LMTK2: variants seen among roughly 807,000 people sequenced by gnomAD.
The protein encoded by LMTK2 is serine/threonine-protein kinase LMTK2.
A neutral mutation model predicts 127.5 loss-of-function variants in LMTK2; 37 were observed. That is an observed-to-expected ratio of 0.29 (90% confidence interval 0.22 to 0.38). LMTK2 has a LOEUF of 0.38. Among genes scored for constraint, LMTK2 ranks in the 10% least tolerant of loss-of-function variants. The pLI is 1.00. For synonymous variants in LMTK2, 819 were observed against 810.1 expected (o/e 1.01, Z -0.19); for missense variants, 1,694 against 1,920.3 (o/e 0.88, Z 2.20).
Position 98,141,515 on chromosome 7 carries a change from C to T in LMTK2, c.350C>T (p.Ala117Val). Residue 117 changes from alanine (A) to valine (V), a missense_variant, in exon 3 of 14, where the codon GCT becomes GTT. Physicochemically the swap from Ala to Val is moderately conservative, Grantham distance 64. Transcript: ENST00000297293. ...TCAGTACCAAATATTTCACTCCCAGCTCCCTCGCAATTCCAGCCTTCTGTA... is the reference window on the plus strand; with the variant it reads ...TCAGTACCAAATATTTCACTCCCAGTTCCCTCGCAATTCCAGCCTTCTGTA... ...TLSVPNISLP[A>V]PSQFQPSVEG... 1 of 1,614,114 alleles carries T rather than the reference C, an allele frequency of 6.2e-7. No individual in the cohort carries two copies. The highest frequency in any genetic ancestry group is 1.6e-4 in the Middle Eastern group (1 of 6,062).
intron 1 of LMTK2, among the ~76,000 whole-genome samples, chr7:98,129,012 A>G (rs892690968): frequency 6.6e-6 from 1 of 152,094 alleles, no homozygotes; most frequent in African/African-American, 2.4e-5. Flanking sequence ...CCCGAGTAAG[A>G]GTGTAAAATT....
At chr7:98,121,821 C>T (rs997746311) in intron 1 of LMTK2, among the ~76,000 whole-genome samples, 6 of 151,848 alleles carry the variant, frequency 4.0e-5, no homozygotes, top group Non-Finnish European at 7.4e-5. Context: ...GGCAACATGG[C>T]AAGACCTCGA....
At chr7:98,187,082 G>A in intron 9 of LMTK2, 84 bp downstream of exon 9, 2 of 1,290,184 alleles carry the variant, frequency 1.6e-6, no homozygotes, top group East Asian at 2.4e-5. Context: ...TTAAAGGAAA[G>A]TAGTTGTATA....
chr7:98,133,578 T>G (rs1333636041), intron 1 of LMTK2, among the ~76,000 whole-genome samples: 1 of 151,852 alleles, frequency 6.6e-6, no homozygotes, highest in East Asian at 1.9e-4. Flanking sequence ...TAAAAAGGGG[T>G]AACTAAAAAT....
intron 1 of LMTK2, among the ~76,000 whole-genome samples, chr7:98,112,447 G>T (rs1796215011): frequency 6.6e-6 from 1 of 152,234 alleles, no homozygotes; most frequent in Non-Finnish European, 1.5e-5. Flanking sequence ...ATAGCCACTA[G>T]CTCCCTGTGG....
At chr7:98,172,302 CTTT>C (rs397948033) in intron 7 of LMTK2, among the ~76,000 whole-genome samples, 1 of 127,842 alleles carries the variant, frequency 7.8e-6, no homozygotes, top group Non-Finnish European at 1.6e-5. Context: ...GACCATAGTT[CTTT>C]TTTTTTTTTT....
chr7:98,127,731 T>A (rs1336203723), intron 1 of LMTK2, among the ~76,000 whole-genome samples: 2 of 152,212 alleles, frequency 1.3e-5, no homozygotes, highest in Non-Finnish European at 2.9e-5. Flanking sequence ...AAAGAAATGA[T>A]CGATGCCTGA....
chr7:98,107,929 C>G (rs1237730344), intron 1 of LMTK2, among the ~76,000 whole-genome samples: 1 of 151,954 alleles, frequency 6.6e-6, no homozygotes, highest in East Asian at 1.9e-4. Flanking sequence ...GTATGATTTT[C>G]TTTTCTCCCC....
At chr7:98,130,766 C>T (rs1210586801) in intron 1 of LMTK2, among the ~76,000 whole-genome samples, 1 of 152,180 alleles carries the variant, frequency 6.6e-6, no homozygotes, top group East Asian at 1.9e-4. Flanking sequence ...CCACCACAGC[C>T]CTCAGAAGGA....
intron 1 of LMTK2, among the ~76,000 whole-genome samples, chr7:98,109,942 C>T (rs1490960597): frequency 1.3e-5 from 2 of 151,954 alleles, no homozygotes; most frequent in African/African-American, 2.4e-5. Flanking sequence ...AGAGGAATCC[C>T]GCTTGACCAT....
chr7:98,117,595 T>C (rs1796304829), intron 1 of LMTK2, among the ~76,000 whole-genome samples: 1 of 152,136 alleles, frequency 6.6e-6, no homozygotes, highest in South Asian at 2.1e-4. Flanking sequence ...GTTCATCTTG[T>C]ATATTCCCTG....
intron 3 of LMTK2, among the ~76,000 whole-genome samples, chr7:98,144,325 C>T (rs952828015): frequency 1.3e-5 from 2 of 151,340 alleles, no homozygotes; most frequent in Middle Eastern, 3.2e-3. Flanking sequence ...CCCAGCTAGT[C>T]GGGAGGCTGA....
At chr7:98,164,705 G>T (rs76794701) in intron 6 of LMTK2, among the ~76,000 whole-genome samples, 7,353 of 152,242 alleles carry the variant, frequency 0.048, 617 homozygotes, top group East Asian at 0.36. Flanking sequence ...GCTGTGCCCT[G>T]GTGGCGAGGC....
chr7:98,144,079 T>G (rs1796735034), intron 3 of LMTK2, among the ~76,000 whole-genome samples: 1 of 152,218 alleles, frequency 6.6e-6, no homozygotes, highest in Non-Finnish European at 1.5e-5. Context: ...AAAATGTATT[T>G]TATTTTTTGC....
chr7:98,113,734 T>C lies in LMTK2; in HGVS notation c.103+6454T>C, dbSNP rs115777394. 7.5e-3 allele frequency among the ~76,000 whole-genome samples: 1,140 copies of C among 152,300 alleles called. 18 individuals carry two copies. The highest frequency in any genetic ancestry group is 0.026 in the African/African-American group (1,079 of 41,564). Reference sequence around the variant, plus strand: ...GGGATTTTAGATTCCATTATCAGCTTTTCTTTGAATCTTCTTATGAAGATA... The same window carrying C: ...GGGATTTTAGATTCCATTATCAGCTCTTCTTTGAATCTTCTTATGAAGATA... On this transcript the variant is annotated intron_variant, in intron 1 of 13. Coordinates refer to ENST00000297293, the MANE Select transcript of LMTK2 (RefSeq NM_014916.4).
chr7:98,196,940 A>G (rs917634777), intron 11 of LMTK2, among the ~76,000 whole-genome samples: 1 of 152,210 alleles, frequency 6.6e-6, no homozygotes, highest in African/African-American at 2.4e-5. Context: ...GCATGCCTTG[A>G]AGCGACAGCC....
At chr7:98,159,565 C>T (rs1488533795) in intron 6 of LMTK2, 140 bp downstream of exon 6, 21 of 659,364 alleles carry the variant, frequency 3.2e-5, no homozygotes, top group Non-Finnish European at 5.4e-5. Flanking sequence ...TACTTTTATT[C>T]CCTTTGGTGA....
In LMTK2 at chr7:98,124,843, T is replaced by C. The variant is rs77021967; in HGVS notation, c.104-12472T>C. On this transcript the variant is annotated intron_variant, in intron 1 of 13. Transcript: ENST00000297293. ...TAATGATACTACCTACCTCAAAGAGTTGTTATGGAATTGGAAGAGTTTAGA... is the reference window on the plus strand; with the variant it reads ...TAATGATACTACCTACCTCAAAGAGCTGTTATGGAATTGGAAGAGTTTAGA... 1.3e-3 allele frequency among the ~76,000 whole-genome samples: 190 copies of C among 151,876 alleles called. 1 individual carries two copies. Among genetic ancestry groups the C allele is most frequent in the African/African-American group, 4.3e-3 (180 of 41,440 alleles).
In LMTK2 at chr7:98,185,411, T is replaced by G. The variant is rs146948928; in HGVS notation, c.876+276T>G. Reference sequence around the variant, plus strand: ...TGTAGTCTGATGGTGCATAATAAATTTTAGAGTGAACACATGAGCAACAGT... The same window carrying G: ...TGTAGTCTGATGGTGCATAATAAATGTTAGAGTGAACACATGAGCAACAGT... On this transcript the variant is annotated intron_variant, in intron 8 of 13. Transcript: ENST00000297293. Among the ~76,000 whole-genome samples the G allele has an allele frequency of 3.3e-5, 5 of 152,322 alleles. No individual in the cohort carries two copies. The East Asian group carries it at 9.6e-4, about 29-fold the overall frequency.
Sources: allele counts gnomAD v4.1 joint callset (sites outside exome capture counted in the v4.1 genomes callset), GRCh38; gene constraint gnomAD v4.1.1; transcripts MANE v1.5; gene names NCBI Gene and HGNC (gene_info 2026-07-23, HGNC 2026-07-21).